Variants in CTDSPL2 observed in about 807,000 individuals in gnomAD.
CTDSPL2 encodes the protein CTD small phosphatase like 2.
A neutral mutation model predicts 60.0 loss-of-function variants in CTDSPL2; 5 were observed. That is an observed-to-expected ratio of 0.08 (90% CI 0.04 to 0.18). CTDSPL2 has a LOEUF of 0.18. CTDSPL2 is among the 10% of genes least tolerant of loss of function. The pLI, the probability that CTDSPL2 is intolerant of heterozygous loss-of-function variation, is 1.00. For synonymous variants in CTDSPL2, 186 were observed against 189.3 expected (o/e 0.98, Z 0.14); for missense variants, 370 against 548.8 (o/e 0.67, Z 3.26).
chr15:44,455,839 A>ATTTTTTTT (rs35307134), intron 1 of CTDSPL2, among the ~76,000 whole-genome samples: 4 of 47,532 alleles, frequency 8.4e-5, no homozygotes, highest in African/African-American at 2.9e-4. Context: ...TTTATTGAGG[A>ATTTTTTTT]TTTTTTTTTT....
chr15:44,474,430 C>T (rs942108896), intron 2 of CTDSPL2, among the ~76,000 whole-genome samples: 6 of 151,976 alleles, frequency 3.9e-5, no homozygotes, highest in African/African-American at 7.3e-5. Flanking sequence ...GCGGAGGTTG[C>T]AGTGAGTGGA....
chr15:44,470,040 G>A (rs2080772515), intron 2 of CTDSPL2, among the ~76,000 whole-genome samples: 1 of 147,690 alleles, frequency 6.8e-6, no homozygotes, highest in Non-Finnish European at 1.5e-5. Flanking sequence ...GGAGCTTGCA[G>A]TGAGCCGAGA....
rs755187256 is a variant in CTDSPL2 at position 44,497,050 on chromosome 15, C to T, written c.794C>T (p.Pro265Leu). Residue 265 changes from proline to leucine, a missense_variant, in exon 7 of 13, where the codon CCG becomes CTG. By Grantham distance (98) the Pro-to-Leu change is moderately conservative. Transcript: ENST00000260327. ...FDPYYFIKHV[P>L]PLTEEQLNRK... ...AGCTATTATTTCATCAAACATGTCCCGCCACTGACAGAAGAACAACTAAAT... is the reference window on the plus strand; with the variant it reads ...AGCTATTATTTCATCAAACATGTCCTGCCACTGACAGAAGAACAACTAAAT... The T allele has an allele frequency of 1.2e-6, 2 of 1,606,180 alleles. No individual in the cohort carries two copies. Among genetic ancestry groups the T allele is most frequent in the Non-Finnish European group, 1.7e-6 (2 of 1,174,768 alleles).
chr15:44,435,228 G>C (rs117938432), intron 1 of CTDSPL2, among the ~76,000 whole-genome samples: 1 of 143,952 alleles, frequency 6.9e-6, no homozygotes, highest in East Asian at 2.1e-4. Context: ...CTGTGCCCTA[G>C]CCTGGGCGAC....
intron 2 of CTDSPL2, among the ~76,000 whole-genome samples, chr15:44,480,375 C>A (rs2081003726): frequency 6.6e-6 from 1 of 152,080 alleles, no homozygotes; most frequent in Non-Finnish European, 1.5e-5. Flanking sequence ...TATATATGGA[C>A]ATTTAGTTAT....
At chr15:44,441,688 T>C (rs2080090145) in intron 1 of CTDSPL2, among the ~76,000 whole-genome samples, 1 of 152,186 alleles carries the variant, frequency 6.6e-6, no homozygotes, top group Admixed American at 6.5e-5. Context: ...GGTTTCCTGG[T>C]TGCCTGAGTC....
chr15:44,500,034 C>T (rs1372955527), intron 8 of CTDSPL2, among the ~76,000 whole-genome samples: 2 of 152,094 alleles, frequency 1.3e-5, no homozygotes, highest in East Asian at 3.8e-4. Context: ...AACTTTCTTA[C>T]CTTGAGATCT....
chr15:44,440,174 TG>T (rs2080055339), intron 1 of CTDSPL2, among the ~76,000 whole-genome samples: 1 of 150,260 alleles, frequency 6.7e-6, no homozygotes, highest in Non-Finnish European at 1.5e-5. Flanking sequence ...GGCATAAAGT[TG>T]TTTTTTTGTT....
intron 8 of CTDSPL2, among the ~76,000 whole-genome samples, chr15:44,513,642 G>A (rs2140863280): frequency 6.6e-6 from 1 of 152,296 alleles, no homozygotes; most frequent in Middle Eastern, 3.4e-3. Flanking sequence ...CTACCACAAG[G>A]TGTTTGGTTT....
At chr15:44,505,533 G>C (rs1229051619) in intron 8 of CTDSPL2, among the ~76,000 whole-genome samples, 7 of 151,946 alleles carry the variant, frequency 4.6e-5, no homozygotes, top group Non-Finnish European at 1.0e-4. Context: ...CAGAGAGTTC[G>C]AGACCAGCCT....
chr15:44,494,576 C>A (rs1168373729), intron 5 of CTDSPL2, among the ~76,000 whole-genome samples: 5 of 151,232 alleles, frequency 3.3e-5, no homozygotes. Flanking sequence ...CCAGCCTGGG[C>A]AACAGAGCAG....
intron 8 of CTDSPL2, among the ~76,000 whole-genome samples, chr15:44,511,016 C>T (rs1261515712): frequency 2.0e-5 from 3 of 152,208 alleles, no homozygotes; most frequent in Non-Finnish European, 4.4e-5. Context: ...TTTTCCTTTG[C>T]ATCACATGGC....
At chr15:44,483,715 C>T (rs1489114104) in intron 2 of CTDSPL2, among the ~76,000 whole-genome samples, 3 of 152,102 alleles carry the variant, frequency 2.0e-5, no homozygotes, top group African/African-American at 7.2e-5. Context: ...AAGGGGTAGA[C>T]TCTATATTAT....
At chr15:44,471,346 T>C (rs1292038393) in intron 2 of CTDSPL2, among the ~76,000 whole-genome samples, 1 of 152,208 alleles carries the variant, frequency 6.6e-6, no homozygotes, top group African/African-American at 2.4e-5. Context: ...AACTTCTTTG[T>C]AGCAGCTTTA....
Position 44,519,215 on chromosome 15 carries a change from A to G in CTDSPL2, c.1159A>G (p.Ile387Val), listed in dbSNP as rs746434895. The G allele has an allele frequency of 6.4e-7, 1 of 1,568,100 alleles. No homozygotes were observed. Among genetic ancestry groups the G allele is most frequent in the Non-Finnish European group, 8.6e-7 (1 of 1,163,662 alleles). ...EHCVCVQGNY[I>V]KDLNILGRDL... The stretch of plus-strand genomic sequence containing the variant: ...TTGTGTTTGTGTACAAGGAAACTAT[A>G]TAAAGGACTTAAATATTCTTGGAAG... Residue 387 changes from isoleucine (I) to valine (V), a missense_variant, in exon 11 of 13, where the codon ATA becomes GTA. Physicochemically the swap from Ile to Val is conservative, Grantham distance 29. Around this residue, in one of 6 missense-constraint regions of CTDSPL2, gnomAD observed 46 missense variants for 126.0 expected, o/e 0.37. Transcript: ENST00000260327.
At chr15:44,450,382 T>C (rs1344169949) in intron 1 of CTDSPL2, among the ~76,000 whole-genome samples, 1 of 152,116 alleles carries the variant, frequency 6.6e-6, no homozygotes, top group East Asian at 1.9e-4. Context: ...TACCAAATGT[T>C]AACAATCTTT....
chr15:44,496,083 AGAT>A (rs2081295623), intron 5 of CTDSPL2, among the ~76,000 whole-genome samples: 1 of 152,228 alleles, frequency 6.6e-6, no homozygotes, highest in Non-Finnish European at 1.5e-5. Flanking sequence ...TACAATTAGA[AGAT>A]TACATTTTTT....
chr15:44,481,548 A>G (rs1334811468), intron 2 of CTDSPL2, among the ~76,000 whole-genome samples: 1 of 152,198 alleles, frequency 6.6e-6, no homozygotes, highest in African/African-American at 2.4e-5. Context: ...CAGCTGCTAC[A>G]TAGGCACAAG....
At chr15:44,497,760 C>T (rs559735261) in intron 7 of CTDSPL2, among the ~76,000 whole-genome samples, 22 of 151,988 alleles carry the variant, frequency 1.4e-4, no homozygotes, top group African/African-American at 3.6e-4. Flanking sequence ...TTTGGGAGGC[C>T]GAACTTTTGG....
Sources: gnomAD v4.1 joint callset for allele counts (sites outside exome capture counted in the v4.1 genomes callset) on GRCh38, gnomAD v4.1.1 for gene constraint, gnomAD v4.1.1 regional missense constraint, MANE v1.5 for transcripts, NCBI Gene and HGNC (gene_info 2026-07-23, HGNC 2026-07-21) for gene names.